Variants in HS3ST3A1 observed in about 807,000 individuals in gnomAD.
HS3ST3A1 encodes the protein heparan sulfate-glucosamine 3-sulfotransferase 3A1.
In HS3ST3A1, 19 loss-of-function variants were observed where a neutral mutation model predicts 25.7. The observed-to-expected ratio is 0.74, with a 90% CI of 0.52 to 1.08. HS3ST3A1 has a LOEUF of 1.08. HS3ST3A1 is among the 50% of genes least tolerant of loss of function. The pLI, the probability that HS3ST3A1 is intolerant of heterozygous loss-of-function variation, is 0.00. For missense variants in HS3ST3A1, 459 were observed against 594.3 expected (o/e 0.77, Z 2.37); for synonymous variants, 226 against 278.6 (o/e 0.81, Z 1.88).
chr17:13,529,186 T>C (rs987845554), intron 1 of HS3ST3A1, among the ~76,000 whole-genome samples: 1 of 152,216 alleles, frequency 6.6e-6, no homozygotes, highest in African/African-American at 2.4e-5. Flanking sequence ...ACCTGCTATT[T>C]GTTAAGGAGA....
In HS3ST3A1 at chr17:13,560,371, C is replaced by T. The variant is rs957388252; in HGVS notation, c.599+40160G>A. On this transcript the variant is annotated intron_variant, in intron 1 of 1. Coordinates refer to ENST00000284110, the MANE Select transcript of HS3ST3A1 (RefSeq NM_006042.3). ...GGAGTCACCATTTCTTTTTTCCTGC[C>T]ACCTTTGCTTCTCTGTGTGTGTGTA... Among the ~76,000 whole-genome samples, 15 of 143,848 alleles carry T rather than the reference C, an allele frequency of 1.0e-4. 1 individual carries two copies. The highest frequency in any genetic ancestry group is 4.0e-3 in the Middle Eastern group (1 of 252). 94.4% of individuals were successfully genotyped at this position (143,848 alleles called of 152,430 possible).
intron 1 of HS3ST3A1, among the ~76,000 whole-genome samples, chr17:13,561,127 C>G (rs555101508): frequency 1.3e-5 from 2 of 152,198 alleles, no homozygotes; most frequent in South Asian, 4.2e-4. Context: ...CTACCTCAGA[C>G]CAATAAAAGT....
intron 1 of HS3ST3A1, among the ~76,000 whole-genome samples, chr17:13,502,160 T>C (rs1905498305): frequency 6.6e-6 from 1 of 152,146 alleles, no homozygotes; most frequent in Non-Finnish European, 1.5e-5. Flanking sequence ...TTGTTAGAGC[T>C]GCTGTCTGTG....
intron 1 of HS3ST3A1, among the ~76,000 whole-genome samples, chr17:13,590,167 T>C (rs1908383633): frequency 6.6e-6 from 1 of 152,164 alleles, no homozygotes; most frequent in Non-Finnish European, 1.5e-5. Context: ...ACACAAATTA[T>C]TTCCAAGGAC....
intron 1 of HS3ST3A1, among the ~76,000 whole-genome samples, chr17:13,526,433 A>C (rs1001763007): frequency 1.2e-4 from 17 of 139,038 alleles, no homozygotes; most frequent in African/African-American, 4.5e-4. Flanking sequence ...TTAAAGCAAA[A>C]ATTTTTATTG....
chr17:13,557,133 TA>T (rs1907404514), intron 1 of HS3ST3A1, among the ~76,000 whole-genome samples: 1 of 152,196 alleles, frequency 6.6e-6, no homozygotes, highest in South Asian at 2.1e-4. Flanking sequence ...AGCAGATTCA[TA>T]AAAATGAGCA....
intron 1 of HS3ST3A1, among the ~76,000 whole-genome samples, chr17:13,515,858 A>G (rs1001531334): frequency 1.3e-5 from 2 of 152,178 alleles, no homozygotes; most frequent in Non-Finnish European, 2.9e-5. Context: ...GTGTGGTGGT[A>G]TCACATGGTG....
intron 1 of HS3ST3A1, among the ~76,000 whole-genome samples, chr17:13,558,194 C>G (rs1430345527): frequency 6.6e-6 from 1 of 152,030 alleles, no homozygotes; most frequent in Non-Finnish European, 1.5e-5. Flanking sequence ...TAGGAGAATC[C>G]CTTGAGCCCA....
chr17:13,514,097 T>C (rs1905969651), intron 1 of HS3ST3A1, among the ~76,000 whole-genome samples: 1 of 152,058 alleles, frequency 6.6e-6, no homozygotes, highest in Non-Finnish European at 1.5e-5. Context: ...TCAAAGACAT[T>C]TTTTGGTTAT....
rs1905899965 is a variant in HS3ST3A1, at chr17:13,512,321, A to AAAAAAAC, written c.600-15510_600-15504dup. Among the ~76,000 whole-genome samples the AAAAAAAC allele has an allele frequency of 1.4e-5, 2 of 144,676 alleles. 1 individual carries two copies. Among genetic ancestry groups the AAAAAAAC allele is most frequent in the Non-Finnish European group, 3.0e-5 (2 of 65,848 alleles). The allele number at this position is 144,676 out of a possible 152,430, so 94.9% of individuals were successfully genotyped here. ...ACTCCGTCTCAAAAAAAAAAAAAAAAAAAAAACTGCATGATCCCATTTATA... is the reference window on the plus strand; with the variant it reads ...ACTCCGTCTCAAAAAAAAAAAAAAAAAAAAAACAAAAAACTGCATGATCCCATTTATA... On this transcript the variant is annotated intron_variant, in intron 1 of 1. Transcript: ENST00000284110.
chr17:13,527,878 T>A (rs528420273), intron 1 of HS3ST3A1, among the ~76,000 whole-genome samples: 5 of 152,368 alleles, frequency 3.3e-5, no homozygotes, highest in African/African-American at 1.2e-4. Flanking sequence ...ATATTCTTGG[T>A]TGCTGTTTGC....
At chr17:13,523,638 G>A (rs1005459527) in intron 1 of HS3ST3A1, among the ~76,000 whole-genome samples, 10 of 152,068 alleles carry the variant, frequency 6.6e-5, no homozygotes, top group Non-Finnish European at 1.3e-4. Context: ...ATAGATAAGA[G>A]TTAGTTTTAC....
intron 1 of HS3ST3A1, among the ~76,000 whole-genome samples, chr17:13,524,722 A>C (rs1906356415): frequency 6.6e-6 from 1 of 152,236 alleles, no homozygotes; most frequent in African/African-American, 2.4e-5. Flanking sequence ...CAATAGTTAT[A>C]GAAGGTGATA....
intron 1 of HS3ST3A1, among the ~76,000 whole-genome samples, chr17:13,559,479 A>C (rs1907468304): frequency 6.7e-6 from 1 of 149,788 alleles, no homozygotes; most frequent in South Asian, 2.1e-4. Flanking sequence ...TTAATGTTCT[A>C]TATAAAATTT....
chr17:13,566,564 A>G (rs974142381), intron 1 of HS3ST3A1, among the ~76,000 whole-genome samples: 1 of 152,232 alleles, frequency 6.6e-6, no homozygotes, highest in Non-Finnish European at 1.5e-5. Flanking sequence ...GACAGGCTGA[A>G]AGCTAGGCCT....
At chr17:13,535,159 A>C (rs1906733816) in intron 1 of HS3ST3A1, among the ~76,000 whole-genome samples, 1 of 152,250 alleles carries the variant, frequency 6.6e-6, no homozygotes, top group Admixed American at 6.5e-5. Flanking sequence ...TCAAATCATA[A>C]TCTTGTTTTA....
chr17:13,571,026 G>A (rs758221701), intron 1 of HS3ST3A1, among the ~76,000 whole-genome samples: 1 of 152,154 alleles, frequency 6.6e-6, no homozygotes, highest in Non-Finnish European at 1.5e-5. Flanking sequence ...CTTCTTAGGT[G>A]TCCGTAAACC....
intron 1 of HS3ST3A1, among the ~76,000 whole-genome samples, chr17:13,586,349 C>A (rs1461840649): frequency 6.6e-6 from 1 of 151,996 alleles, no homozygotes; most frequent in African/African-American, 2.4e-5. Context: ...TCAACGGCCA[C>A]CTATCCCAGT....
chr17:13,526,815 TA>T (rs1228421283), intron 1 of HS3ST3A1, among the ~76,000 whole-genome samples: 3 of 151,370 alleles, frequency 2.0e-5, no homozygotes, highest in Admixed American at 2.0e-4. Context: ...GCCCAGCTAA[TA>T]TTTTTTTTTG....
Sources: allele counts gnomAD v4.1 joint callset (sites outside exome capture counted in the v4.1 genomes callset), GRCh38; gene constraint gnomAD v4.1.1; transcripts MANE v1.5; gene names NCBI Gene and HGNC (gene_info 2026-07-23, HGNC 2026-07-21).